The following SLC24A3 variants were observed in gnomAD, a reference collection of about 807,000 sequenced individuals.
SLC24A3 encodes sodium/potassium/calcium exchanger 3.
A neutral mutation model predicts 75.8 loss-of-function variants in SLC24A3; 28 were observed. The observed-to-expected ratio is 0.37, with a 90% CI of 0.27 to 0.51. SLC24A3 has a LOEUF of 0.51. Ranked by LOEUF, SLC24A3 falls within the 20% of genes least tolerant of loss-of-function variation. SLC24A3 has a pLI of 0.94. For missense variants in SLC24A3, 663 were observed against 847.8 expected (o/e 0.78, Z 2.71); for synonymous variants, 372 against 334.1 (o/e 1.11, Z -1.24).
chr20:19,661,042 C>A (rs1844387434), intron 7 of SLC24A3, among the ~76,000 whole-genome samples: 1 of 152,126 alleles, frequency 6.6e-6, no homozygotes, highest in African/African-American at 2.4e-5. Flanking sequence ...ATCCGCTGGC[C>A]TGGAGACCCC....
intron 3 of SLC24A3, among the ~76,000 whole-genome samples, chr20:19,530,621 G>T (rs904763355): frequency 2.0e-4 from 31 of 152,278 alleles, no homozygotes; most frequent in Admixed American, 6.5e-4. Flanking sequence ...CTCAAGGTCC[G>T]AGATCTGTGA....
chr20:19,628,963 AAAC>A (rs145447757), intron 6 of SLC24A3, among the ~76,000 whole-genome samples: 51,926 of 151,794 alleles, frequency 0.34, 10,586 homozygotes, highest in Non-Finnish European at 0.45. Flanking sequence ...AAGACATACA[AAAC>A]AACAACAACA....
At chr20:19,713,230 C>T (rs1047439074) in intron 15 of SLC24A3, among the ~76,000 whole-genome samples, 8 of 152,182 alleles carry the variant, frequency 5.3e-5, no homozygotes, top group Admixed American at 1.3e-4. Flanking sequence ...CACAAGCACA[C>T]GTGGACATGC....
intron 2 of SLC24A3, among the ~76,000 whole-genome samples, chr20:19,368,518 T>A (rs1376457656): frequency 6.6e-6 from 1 of 152,182 alleles, no homozygotes; most frequent in African/African-American, 2.4e-5. Flanking sequence ...GTGCCCTCTA[T>A]TCATACTGTT....
chr20:19,632,261 G>A (rs1042852575), intron 6 of SLC24A3, among the ~76,000 whole-genome samples: 1 of 152,188 alleles, frequency 6.6e-6, no homozygotes, highest in African/African-American at 2.4e-5. Flanking sequence ...AAATTACCAT[G>A]AACTTAGTGG....
At chr20:19,661,068 A>G (rs2032321173) in intron 7 of SLC24A3, among the ~76,000 whole-genome samples, 1 of 152,270 alleles carries the variant, frequency 6.6e-6, no homozygotes, top group East Asian at 1.9e-4. Flanking sequence ...GGAGCCTTTC[A>G]TCTCTAACAA....
At position 19,651,747 on chromosome 20, in the gene SLC24A3, A is replaced by C. The variant is rs190279149; in HGVS notation, c.613-2315A>C. Among the ~76,000 whole-genome samples, 763 of 151,650 alleles carry C rather than the reference A, an allele frequency of 5.0e-3. 11 individuals are homozygous for C. Among genetic ancestry groups the C allele is most frequent in the Admixed American group, 0.034 (511 of 15,202 alleles). The stretch of plus-strand genomic sequence containing the variant: ...GTGGTGGTGGGCGCCTGTAGTCCCA[A>C]CTACTTGGGAGGCTGAGGCAGGAGA... On this transcript the variant is annotated intron_variant, in intron 6 of 16. Coordinates refer to ENST00000328041, the MANE Select transcript of SLC24A3 (RefSeq NM_020689.4).
intron 6 of SLC24A3, among the ~76,000 whole-genome samples, chr20:19,612,909 T>G (rs993545928): frequency 6.6e-6 from 1 of 152,222 alleles, no homozygotes; most frequent in Non-Finnish European, 1.5e-5. Context: ...AAACTCAGAC[T>G]TCCTCACCTA....
At chr20:19,506,768 A>G (rs955612104) in intron 2 of SLC24A3, among the ~76,000 whole-genome samples, 3 of 152,152 alleles carry the variant, frequency 2.0e-5, no homozygotes, top group African/African-American at 7.2e-5. Flanking sequence ...CCTCAGTGAT[A>G]AGGGCTGTGT....
At chr20:19,713,562 C>G (rs1444123905) in intron 15 of SLC24A3, among the ~76,000 whole-genome samples, 1 of 152,130 alleles carries the variant, frequency 6.6e-6, no homozygotes, top group Non-Finnish European at 1.5e-5. Context: ...ACGTTTTAAG[C>G]ACGTGGTCTG....
At chr20:19,247,146 T>G (rs1453323269) in intron 1 of SLC24A3, among the ~76,000 whole-genome samples, 2 of 152,182 alleles carry the variant, frequency 1.3e-5, no homozygotes, top group Non-Finnish European at 2.9e-5. Context: ...CAGTTCCATA[T>G]GTACACGTCA....
chr20:19,616,540 C>G (rs1424965340), intron 6 of SLC24A3, among the ~76,000 whole-genome samples: 1 of 152,188 alleles, frequency 6.6e-6, no homozygotes, highest in Non-Finnish European at 1.5e-5. Flanking sequence ...GGCCAACTGT[C>G]CATCTGAGAC....
intron 1 of SLC24A3, among the ~76,000 whole-genome samples, chr20:19,224,387 A>G (rs1981819935): frequency 6.6e-6 from 1 of 152,188 alleles, no homozygotes; most frequent in African/African-American, 2.4e-5. Flanking sequence ...ACTCTACACA[A>G]AGGATTTCTT....
At chr20:19,398,394 T>G (rs1986493809) in intron 2 of SLC24A3, among the ~76,000 whole-genome samples, 1 of 152,222 alleles carries the variant, frequency 6.6e-6, no homozygotes, top group Non-Finnish European at 1.5e-5. Flanking sequence ...TGACACATCT[T>G]TTGTCAGATT....
intron 6 of SLC24A3, among the ~76,000 whole-genome samples, chr20:19,629,357 TA>T (rs749664438): frequency 1.6e-4 from 24 of 151,976 alleles, no homozygotes; most frequent in Non-Finnish European, 2.9e-4. Context: ...TATCAAGTCA[TA>T]GGGGTAAAAA....
chr20:19,632,158 T>C (rs1327861180), intron 6 of SLC24A3, among the ~76,000 whole-genome samples: 1 of 152,120 alleles, frequency 6.6e-6, no homozygotes, highest in African/African-American at 2.4e-5. Context: ...ACACTAACTG[T>C]GCATGGAGTA....
chr20:19,318,071 T>C (rs721489), intron 2 of SLC24A3, among the ~76,000 whole-genome samples: 80,238 of 152,056 alleles, frequency 0.53, 23,445 homozygotes, highest in African/African-American at 0.78. Context: ...CCTCAACCAA[T>C]GGCTGATGGG....
chr20:19,351,947 T>TG (rs1344566506), intron 2 of SLC24A3, among the ~76,000 whole-genome samples: 1 of 151,902 alleles, frequency 6.6e-6, no homozygotes, highest in Non-Finnish European at 1.5e-5. Context: ...GTGTCATAGG[T>TG]GGGGCTCCTA....
At chr20:19,413,619 AACCTC>A (rs1348313876) in intron 2 of SLC24A3, among the ~76,000 whole-genome samples, 10 of 152,066 alleles carry the variant, frequency 6.6e-5, no homozygotes, top group Admixed American at 2.6e-4. Context: ...CTTTCCCCCC[AACCTC>A]ACCTTTGCAG....
Sources: allele counts gnomAD v4.1 joint callset (sites outside exome capture counted in the v4.1 genomes callset), GRCh38; gene constraint gnomAD v4.1.1; transcripts MANE v1.5; gene names NCBI Gene and HGNC (gene_info 2026-07-23, HGNC 2026-07-21).